The following RCN2 variants were observed in gnomAD, a reference collection of about 807,000 sequenced individuals.
The protein encoded by RCN2 is reticulocalbin-2.
A neutral mutation model predicts 37.5 loss-of-function variants in RCN2; 23 were observed. The ratio of observed to expected loss-of-function variants is 0.61; its 90% CI spans 0.44 to 0.87. The LOEUF (loss-of-function observed/expected upper bound fraction) is 0.87. Among genes scored for constraint, RCN2 ranks in the 40% least tolerant of loss-of-function variants. The pLI is 0.00. For missense variants in RCN2, 381 were observed against 390.4 expected, an observed-to-expected ratio of 0.98 and a Z score of 0.20; for synonymous variants, 140 against 144.6, an observed-to-expected ratio of 0.97 and a Z score of 0.23.
Position 76,931,898 on chromosome 15 carries a change from G to C in RCN2, c.57G>C (p.Ala19=). 2 of 1,321,038 alleles carry C rather than the reference G, an allele frequency of 1.5e-6. No individual in the cohort carries two copies. The highest frequency in any genetic ancestry group is 1.9e-6 in the Non-Finnish European group (2 of 1,034,174). The allele number at this position is 1,321,038 out of a possible 1,614,324, so 81.8% of individuals were successfully genotyped here. The change falls in exon 1 of 7, where the codon GCG becomes GCC. Residue 19 remains alanine (A), a synonymous_variant. Transcript: ENST00000394885. Reference sequence around the variant, plus strand: ...GGCTGCTGCTGCTGTGCGCCGCCGCGGCCGGCGCCGGCAAGGCCGAGGAGC... The same window carrying C: ...GGCTGCTGCTGCTGTGCGCCGCCGCCGCCGGCGCCGGCAAGGCCGAGGAGC... The part of the protein sequence containing the change: ...ALGLLLLCAA[A]AGAGKAEELH...
Position 76,935,701 on chromosome 15 carries a change from A to G in RCN2, c.426A>G (p.Ala142=). Residue 142 remains alanine, a synonymous_variant, in exon 3 of 7, where the codon GCA becomes GCG. Coordinates refer to ENST00000394885, the MANE Select transcript of RCN2 (RefSeq NM_002902.3). ...ATGAGAACACTGCTCTGGATGATGC[A>G]GAAGAGGAGTCCTTTAGGAAGGTGA... The part of the protein sequence containing the change: ...DFDENTALDD[A]EEESFRKLHL... The G allele has an allele frequency of 6.2e-7, 1 of 1,612,938 alleles. No homozygotes were observed. The highest frequency in any genetic ancestry group is 8.5e-7 in the Non-Finnish European group (1 of 1,179,494).
chr15:76,931,981 T>C lies in RCN2; in HGVS notation c.140T>C (p.Val47Ala). 1.6e-6 allele frequency: 2 copies of C among 1,263,590 alleles called. No individual in the cohort carries two copies. The highest frequency in any genetic ancestry group is 2.8e-5 in the South Asian group (1 of 35,988). 78.3% of individuals were successfully genotyped at this position (1,263,590 alleles called of 1,614,324 possible). The change falls in exon 1 of 7, where the codon GTC (valine) becomes GCC (alanine). Residue 47 changes from valine (V) to alanine (A), a missense_variant. Coordinates refer to ENST00000394885, the MANE Select transcript of RCN2 (RefSeq NM_002902.3). ...SDYDREALLG[V>A]QEDVDEYVKL... is the part of the protein sequence containing the mutation. ...TACGACCGCGAGGCGCTGCTGGGCG[T>C]CCAGGTGAGGCGGCCAGGCCGGTGC...
At position 76,943,879 on chromosome 15, in the gene RCN2, A is replaced by G. The variant is rs774507774; in HGVS notation, c.561+8A>G. On this transcript the variant is annotated splice_region_variant and intron_variant, in intron 4 of 6. Transcript: ENST00000394885. ...GAAGTTGATTATATGACGGTAAGAA[A>G]GAAACATTTTTAAGAGAATTATTGA... 5 of 1,493,576 alleles carry G rather than the reference A, an allele frequency of 3.3e-6. No individual in the cohort carries two copies. Among genetic ancestry groups the G allele is most frequent in the Non-Finnish European group, 4.6e-6 (5 of 1,080,954 alleles). The allele number at this position is 1,493,576 out of a possible 1,614,324, so 92.5% of individuals were successfully genotyped here.
intron 4 of RCN2, among the ~76,000 whole-genome samples, chr15:76,945,071 T>G (rs996844668): frequency 6.6e-6 from 1 of 152,248 alleles, no homozygotes; most frequent in Non-Finnish European, 1.5e-5. Context: ...TACACAGATT[T>G]AAAATGATGC....
In RCN2 at chr15:76,950,950, G is replaced by A. The variant is rs922380520; in HGVS notation, c.*1728G>A. On this transcript the variant is annotated 3_prime_UTR_variant, in exon 7 of 7. Transcript: ENST00000394885. Reference sequence around the variant, plus strand: ...CCACACCTTAATGACTGCTTGCTTGGGTATCTACATGGTTTTCATTTTAAC... The same window carrying A: ...CCACACCTTAATGACTGCTTGCTTGAGTATCTACATGGTTTTCATTTTAAC... 1 of 152,086 alleles carries A rather than the reference G, an allele frequency of 6.6e-6. No individual in the cohort carries two copies. The highest frequency in any genetic ancestry group is 1.5e-5 in the Non-Finnish European group (1 of 68,036). The allele number at this position is 152,086 out of a possible 1,614,324, so 9.4% of individuals were successfully genotyped here.
At chr15:76,943,981 A>C (rs1596005704) in intron 4 of RCN2, 110 bp downstream of exon 4, 1 of 261,028 alleles carries the variant, frequency 3.8e-6, no homozygotes, top group Non-Finnish European at 7.2e-6. Context: ...GGGATACATG[A>C]GACTTTTTTT....
chr15:76,934,642 A>C (rs1031801639), intron 2 of RCN2, among the ~76,000 whole-genome samples: 21 of 152,356 alleles, frequency 1.4e-4, no homozygotes, highest in Admixed American at 5.2e-4. Flanking sequence ...CAGTCACTTG[A>C]ATACCTTTTC....
intron 3 of RCN2, chr15:76,943,557 C>T: frequency 2.6e-6 from 1 of 390,684 alleles, no homozygotes; most frequent in Non-Finnish European, 4.6e-6. Flanking sequence ...TGCTGGAATT[C>T]AGGTCTGGGT....
rs1303359751 is a variant in RCN2 at position 76,952,497 on chromosome 15, A to T, written c.*3275A>T. The T allele has an allele frequency of 6.6e-6, 1 of 152,244 alleles. No individual in the cohort carries two copies. Among genetic ancestry groups the T allele is most frequent in the Non-Finnish European group, 1.5e-5 (1 of 68,052 alleles). 9.4% of individuals were successfully genotyped at this position (152,244 alleles called of 1,614,324 possible). ...ACAGTTCGGTGGTATGGTATTAAAT[A>T]CAGTCAAAATGTGAAACTATTACCA... On this transcript the variant is annotated 3_prime_UTR_variant, in exon 7 of 7. Coordinates refer to ENST00000394885, the MANE Select transcript of RCN2 (RefSeq NM_002902.3).
chr15:76,953,593 A>AT lies in RCN2; in HGVS notation c.*4403dup, dbSNP rs71143379. ...TATATATATATATATATATATATATATTTTTTTTTTTTTTTTTTTTTTTTT... is the reference window on the plus strand; with the variant it reads ...TATATATATATATATATATATATATATTTTTTTTTTTTTTTTTTTTTTTTTT... On this transcript the variant is annotated 3_prime_UTR_variant, in exon 7 of 7. Coordinates refer to ENST00000394885, the MANE Select transcript of RCN2 (RefSeq NM_002902.3). 3.5e-3 allele frequency: 34 copies of AT among 9,842 alleles called. 4 individuals carry two copies. Among genetic ancestry groups the AT allele is most frequent in the Non-Finnish European group, 4.7e-3 (25 of 5,280 alleles). 0.6% of individuals were successfully genotyped at this position (9,842 alleles called of 1,614,324 possible).
In RCN2 at chr15:76,949,704, A is replaced by C. The variant is rs1204352876; in HGVS notation, c.*482A>C. On this transcript the variant is annotated 3_prime_UTR_variant, in exon 7 of 7. Coordinates refer to ENST00000394885, the MANE Select transcript of RCN2 (RefSeq NM_002902.3). ...ACCTTTAGAAGGACTTAGACCTCAC[A>C]TATTAATGTTGAGAAGTTCTGCTTA... 6.6e-6 allele frequency: 1 copy of C among 152,666 alleles called. No individual in the cohort carries two copies. The allele number at this position is 152,666 out of a possible 1,614,324, so 9.5% of individuals were successfully genotyped here.
chr15:76,944,549 T>A lies in RCN2; in HGVS notation c.561+678T>A, dbSNP rs77410126. ...AACACTTCCCAGTCTCTGGTAACCA[T>A]CTTCTACCGTCTATGTCCATGAGTT... On this transcript the variant is annotated intron_variant, in intron 4 of 6. Transcript: ENST00000394885. Among the ~76,000 whole-genome samples the A allele has an allele frequency of 5.8e-3, 878 of 152,238 alleles. 8 individuals are homozygous for A. Among genetic ancestry groups the A allele is most frequent in the African/African-American group, 0.02 (838 of 41,538 alleles).
chr15:76,944,380 C>T (rs983021906), intron 4 of RCN2, among the ~76,000 whole-genome samples: 5 of 152,060 alleles, frequency 3.3e-5, no homozygotes, highest in African/African-American at 9.7e-5. Context: ...CTAACAATCC[C>T]GTGAACACTC....
intron 4 of RCN2, among the ~76,000 whole-genome samples, chr15:76,946,607 C>T (rs1182416499): frequency 6.6e-6 from 1 of 152,146 alleles, no homozygotes; most frequent in African/African-American, 2.4e-5. Flanking sequence ...TAAAAGTTAG[C>T]TGGGTGTGGT....
chr15:76,937,416 T>A (rs1040155392), intron 3 of RCN2, among the ~76,000 whole-genome samples: 17 of 152,070 alleles, frequency 1.1e-4, no homozygotes, highest in African/African-American at 2.4e-4. Flanking sequence ...CTCCTTTTTT[T>A]TTTTTATTTT....
rs2075311428 is a variant in RCN2, at chr15:76,949,741, G to A, written c.*519G>A. The A allele has an allele frequency of 6.6e-6, 1 of 152,520 alleles. No individual in the cohort carries two copies. The highest frequency in any genetic ancestry group is 1.5e-5 in the Non-Finnish European group (1 of 68,016). The allele number at this position is 152,520 out of a possible 1,614,324, so 9.4% of individuals were successfully genotyped here. On this transcript the variant is annotated 3_prime_UTR_variant, in exon 7 of 7. Transcript: ENST00000394885. Reference sequence around the variant, plus strand: ...AGAAGTTCTGCTTAATTTTAAAATGGTTTCTATAAAGGGTTTTATTGTATG... The same window carrying A: ...AGAAGTTCTGCTTAATTTTAAAATGATTTCTATAAAGGGTTTTATTGTATG...
chr15:76,936,416 G>A (rs2075248182), intron 3 of RCN2, among the ~76,000 whole-genome samples: 1 of 152,126 alleles, frequency 6.6e-6, no homozygotes, highest in African/African-American at 2.4e-5. Context: ...GTTTTAGGAT[G>A]AAATTGTTCC....
intron 3 of RCN2, chr15:76,941,658 C>A: frequency 6.7e-7 from 1 of 1,502,804 alleles, no homozygotes. Flanking sequence ...TTGTAAAAAA[C>A]AGTCTTTCTG....
chr15:76,946,916 G>A (rs935758524), intron 4 of RCN2, among the ~76,000 whole-genome samples: 6 of 152,224 alleles, frequency 3.9e-5, no homozygotes, highest in African/African-American at 1.4e-4. Context: ...GTTTGCTGAA[G>A]GGGAAGCAAG....
Sources: allele counts gnomAD v4.1 joint callset (sites outside exome capture counted in the v4.1 genomes callset), GRCh38; gene constraint gnomAD v4.1.1; transcripts MANE v1.5; gene names NCBI Gene and HGNC (gene_info 2026-07-23, HGNC 2026-07-21).